The following BMPR1B variants were observed in gnomAD, a reference collection of about 807,000 sequenced individuals.
BMPR1B encodes bone morphogenetic protein receptor type-1B.
A neutral mutation model predicts 59.1 loss-of-function variants in BMPR1B; 12 were observed. The observed-to-expected ratio is 0.20, with a 90% CI of 0.13 to 0.33. The LOEUF is 0.33. BMPR1B is among the 10% of genes least tolerant of loss of function. BMPR1B has a pLI of 1.00. For missense variants in BMPR1B, 550 were observed against 610.9 expected (o/e 0.90, Z 1.05); for synonymous variants, 237 against 207.3 (o/e 1.14, Z -1.23).
intron 1 of BMPR1B, among the ~76,000 whole-genome samples, chr4:94,839,372 C>G (rs1306080321): frequency 6.8e-6 from 1 of 146,114 alleles, no homozygotes; most frequent in Non-Finnish European, 1.5e-5. Context: ...TTAAAATCTC[C>G]CATTATTAAT....
intron 2 of BMPR1B, among the ~76,000 whole-genome samples, chr4:94,902,249 CAGAGAGAGAGAGAGAGAGAGAGAGAG>C (rs142124519): frequency 4.3e-5 from 3 of 69,030 alleles, no homozygotes; most frequent in Admixed American, 1.8e-4. Flanking sequence ...CACACACACA[CAGAGAGAGAGAGAGAGAGAGAGAGAG>C]AGAGAGAGAG....
chr4:94,785,703 G>GA (rs1460525707), intron 1 of BMPR1B, among the ~76,000 whole-genome samples: 1 of 152,056 alleles, frequency 6.6e-6, no homozygotes, highest in Non-Finnish European at 1.5e-5. Flanking sequence ...ATATTATGTT[G>GA]AAAATTAACC....
intron 1 of BMPR1B, among the ~76,000 whole-genome samples, chr4:94,767,678 A>G (rs937029403): frequency 1.3e-5 from 2 of 152,122 alleles, no homozygotes; most frequent in African/African-American, 4.8e-5. Flanking sequence ...CCTAGGAGCT[A>G]TTTCTGGAAC....
intron 2 of BMPR1B, among the ~76,000 whole-genome samples, chr4:94,960,084 G>T (rs1316564696): frequency 1.3e-5 from 2 of 151,668 alleles, no homozygotes; most frequent in African/African-American, 2.4e-5. Flanking sequence ...AACTATCCGG[G>T]ATGCTTTTGT....
chr4:95,088,340 GC>G (rs1301287465), intron 3 of BMPR1B, among the ~76,000 whole-genome samples: 2 of 152,128 alleles, frequency 1.3e-5, no homozygotes, highest in Non-Finnish European at 2.9e-5. Context: ...AGAGACAGGA[GC>G]CTGGCATAGT....
At chr4:95,103,420 A>G in intron 3 of BMPR1B, 2 of 982,910 alleles carry the variant, frequency 2.0e-6, no homozygotes, top group Non-Finnish European at 2.4e-6. Context: ...TAAATGTGTT[A>G]TGAGAGAGAT....
chr4:95,086,184 G>T (rs1291615495), intron 3 of BMPR1B, among the ~76,000 whole-genome samples: 1 of 152,002 alleles, frequency 6.6e-6, no homozygotes, highest in African/African-American at 2.4e-5. Context: ...ATCTTGATTG[G>T]CATCATTTGA....
At chr4:94,943,082 T>C (rs778223103) in intron 2 of BMPR1B, among the ~76,000 whole-genome samples, 1 of 151,806 alleles carries the variant, frequency 6.6e-6, no homozygotes, top group Non-Finnish European at 1.5e-5. Context: ...ATATGCAGAG[T>C]AGTATGGAGG....
chr4:94,967,068 G>A (rs575327212), intron 2 of BMPR1B, among the ~76,000 whole-genome samples: 1 of 152,264 alleles, frequency 6.6e-6, no homozygotes, highest in South Asian at 2.1e-4. Flanking sequence ...TCATATGTAG[G>A]AAGGAGATAG....
At chr4:95,018,830 A>G (rs373517536) in intron 3 of BMPR1B, among the ~76,000 whole-genome samples, 1 of 152,316 alleles carries the variant, frequency 6.6e-6, no homozygotes, top group African/African-American at 2.4e-5. Context: ...TTAATCTTCA[A>G]GTTCAGCTTG....
At chr4:94,823,137 A>G (rs1442671512) in intron 1 of BMPR1B, among the ~76,000 whole-genome samples, 1 of 152,188 alleles carries the variant, frequency 6.6e-6, no homozygotes, top group Non-Finnish European at 1.5e-5. Context: ...GCTTAGTTGA[A>G]ATATATTGAA....
rs370877159 is a variant in BMPR1B at position 94,988,734 on chromosome 4, C to G, written c.-112-7306C>G. Among the ~76,000 whole-genome samples the G allele has an allele frequency of 2.4e-4, 37 of 152,194 alleles. No homozygotes were observed. The South Asian group carries it at 7.0e-3, about 29-fold the overall frequency. ...GGTTGGTAGACTTATGTATGATTTT[C>G]CTGTGGGGTCCTGGGAGCCCAAATT... is the stretch of plus-strand genomic sequence containing the variant. On this transcript the variant is annotated intron_variant, in intron 2 of 12. Coordinates refer to ENST00000515059, the MANE Select transcript of BMPR1B (RefSeq NM_001203.3).
At chr4:95,114,650 A>G (rs1731879398) in intron 4 of BMPR1B, 70 bp from the exon 5 acceptor site, 1 of 1,251,772 alleles carries the variant, frequency 8.0e-7, no homozygotes, top group Non-Finnish European at 1.2e-6. Context: ...CCCTAGACAC[A>G]CACACACACA....
intron 4 of BMPR1B, 112 bp downstream of exon 4, chr4:95,104,679 A>T: frequency 3.1e-6 from 4 of 1,284,646 alleles, no homozygotes; most frequent in Non-Finnish European, 4.5e-6. Flanking sequence ...AATGCCTAAC[A>T]CTATCGTAAA....
intron 3 of BMPR1B, among the ~76,000 whole-genome samples, chr4:95,084,946 A>AG (rs1729459337): frequency 6.6e-6 from 1 of 152,218 alleles, no homozygotes; most frequent in Middle Eastern, 3.4e-3. Flanking sequence ...ACCTGCTTGG[A>AG]GTGTAGTTAT....
chr4:94,853,980 G>A (rs2148949667), intron 1 of BMPR1B, among the ~76,000 whole-genome samples: 1 of 152,130 alleles, frequency 6.6e-6, no homozygotes, highest in East Asian at 1.9e-4. Context: ...CTTCAGGATG[G>A]TGATCAGAGT....
At chr4:94,874,623 A>G (rs1017184599) in intron 1 of BMPR1B, among the ~76,000 whole-genome samples, 16 of 152,182 alleles carry the variant, frequency 1.1e-4, no homozygotes, top group Non-Finnish European at 1.9e-4. Context: ...TTTGCTTTCT[A>G]TTTTTTAGTA....
intron 1 of BMPR1B, among the ~76,000 whole-genome samples, chr4:94,858,897 TCA>T (rs759433784): frequency 2.0e-5 from 3 of 152,252 alleles, no homozygotes; most frequent in Non-Finnish European, 4.4e-5. Context: ...TTCTAATTAT[TCA>T]CAGATGAGAT....
intron 2 of BMPR1B, among the ~76,000 whole-genome samples, chr4:94,890,529 A>G (rs1055578952): frequency 1.3e-5 from 2 of 152,144 alleles, no homozygotes; most frequent in African/African-American, 4.8e-5. Context: ...GTAAAAGTAT[A>G]AAAGTCAATC....
Sources: gnomAD v4.1 joint callset for allele counts (sites outside exome capture counted in the v4.1 genomes callset) on GRCh38, gnomAD v4.1.1 for gene constraint, MANE v1.5 for transcripts, NCBI Gene and HGNC (gene_info 2026-07-23, HGNC 2026-07-21) for gene names.